ANKRD30B: variants seen among roughly 807,000 people sequenced by gnomAD.
ANKRD30B encodes the protein ankyrin repeat domain 30B.
A neutral mutation model predicts 202.2 loss-of-function variants in ANKRD30B; 144 were observed. That is an observed-to-expected ratio of 0.71 (90% CI 0.62 to 0.82). The LOEUF is 0.82. ANKRD30B is among the 40% of genes least tolerant of loss of function. The pLI, the probability that ANKRD30B is intolerant of heterozygous loss-of-function variation, is 0.00. For synonymous variants in ANKRD30B, 508 were observed against 561.3 expected (o/e 0.91, Z 1.34); for missense variants, 1,487 against 1,669.1 (o/e 0.89, Z 1.90).
intron 32 of ANKRD30B, among the ~76,000 whole-genome samples, chr18:14,824,188 G>A (rs1346265857): frequency 2.4e-5 from 3 of 122,988 alleles, no homozygotes; most frequent in South Asian, 6.1e-4. Flanking sequence ...CATAGTTTGC[G>A]ATTTTAACTC....
chr18:14,914,874 A>G, the ANKRD30B span, among the ~76,000 whole-genome samples: 3 of 152,158 alleles, frequency 2.0e-5, no homozygotes, highest in Admixed American at 2.0e-4. Flanking sequence ...GAAGCTCAGA[A>G]GAGAGGTCTG....
At chr18:14,878,376 C>A in the ANKRD30B span, among the ~76,000 whole-genome samples, 4 of 123,290 alleles carry the variant, frequency 3.2e-5, no homozygotes, top group Non-Finnish European at 7.6e-5. Flanking sequence ...AAAAAAGGCA[C>A]CTACCCCATT....
chr18:14,866,076 C>A, the ANKRD30B span, among the ~76,000 whole-genome samples: 3 of 152,030 alleles, frequency 2.0e-5, no homozygotes, highest in African/African-American at 2.4e-5. Context: ...AAATAAAGTC[C>A]AATCAGAGAA....
chr18:14,761,224 A>G (rs996435808), intron 6 of ANKRD30B, among the ~76,000 whole-genome samples: 39 of 152,194 alleles, frequency 2.6e-4, no homozygotes, highest in African/African-American at 6.8e-4. Context: ...TCCCGGCTGC[A>G]TGACGGATGA....
At chr18:14,868,516 A>T in the ANKRD30B span, among the ~76,000 whole-genome samples, 1 of 149,298 alleles carries the variant, frequency 6.7e-6, no homozygotes, top group African/African-American at 2.5e-5. Context: ...ATGTAAGATA[A>T]AGGGTGCTTT....
Position 14,814,602 on chromosome 18 carries a change from T to C in ANKRD30B, c.2551-19T>C, listed in dbSNP as rs1474242644. The C allele has an allele frequency of 1.6e-6, 2 of 1,228,390 alleles. 1 individual carries two copies. Among genetic ancestry groups the C allele is most frequent in the East Asian group, 5.1e-5 (2 of 38,838 alleles). 76.1% of individuals were successfully genotyped at this position (1,228,390 alleles called of 1,614,324 possible). On this transcript the variant is annotated intron_variant, in intron 29 of 43. Transcript: ENST00000690538. ...GGGATTTCTCCATTGAAATTATTTA[T>C]TGATATTACTTTTAACAGAGTTTCC...
chr18:14,906,776 A>G, the ANKRD30B span, among the ~76,000 whole-genome samples: 1 of 152,098 alleles, frequency 6.6e-6, no homozygotes, highest in African/African-American at 2.4e-5. Context: ...AGCCCTCAGG[A>G]GATCTTGAGA....
chr18:14,792,550 A>C (rs1598626197), intron 16 of ANKRD30B, among the ~76,000 whole-genome samples: 1 of 151,988 alleles, frequency 6.6e-6, no homozygotes, highest in African/African-American at 2.4e-5. Context: ...AGCCAGCTAG[A>C]TTATTTTGGA....
chr18:14,856,171 C>T (rs1272286473), downstream of ANKRD30B, among the ~76,000 whole-genome samples: 16 of 144,328 alleles, frequency 1.1e-4, no homozygotes, highest in Admixed American at 1.4e-4. Flanking sequence ...CAGGCAGAGG[C>T]GCTCCTCACT....
intron 8 of ANKRD30B, among the ~76,000 whole-genome samples, chr18:14,771,426 A>C (rs1420286795): frequency 6.6e-6 from 1 of 152,168 alleles, no homozygotes; most frequent in Non-Finnish European, 1.5e-5. Context: ...AGGCTTTGCT[A>C]GTTTATGTAG....
rs889818049 is a variant in ANKRD30B, at chr18:14,795,387, G to C, written c.1826-834G>C. ...GATTTTTGTATTTTTTGTGGAGACA[G>C]GGTTTCGCTATTTTGGCCAGGCTGC... is the stretch of plus-strand genomic sequence containing the variant. On this transcript the variant is annotated intron_variant, in intron 16 of 43. Transcript: ENST00000690538. 1.8e-4 allele frequency among the ~76,000 whole-genome samples: 28 copies of C among 152,158 alleles called. 1 individual carries two copies. The highest frequency in any genetic ancestry group is 6.0e-4 in the African/African-American group (25 of 41,434).
chr18:14,884,715 G>A, the ANKRD30B span, among the ~76,000 whole-genome samples: 2 of 152,226 alleles, frequency 1.3e-5, no homozygotes, highest in Admixed American at 1.3e-4. Flanking sequence ...CTGGTTCCCT[G>A]AGAAGTGTAG....
intron 7 of ANKRD30B, among the ~76,000 whole-genome samples, chr18:14,765,200 C>A (rs1186080243): frequency 1.3e-5 from 2 of 152,012 alleles, no homozygotes; most frequent in African/African-American, 4.8e-5. Context: ...GTGGCTCACG[C>A]CTATAATCCC....
chr18:14,901,169 T>G, the ANKRD30B span, among the ~76,000 whole-genome samples: 2 of 152,232 alleles, frequency 1.3e-5, no homozygotes, highest in South Asian at 4.1e-4. Context: ...CCTTGTCAAT[T>G]GTGTCTTTAA....
intron 15 of ANKRD30B, among the ~76,000 whole-genome samples, chr18:14,790,634 A>T (rs1283698238): frequency 1.4e-4 from 21 of 152,114 alleles, no homozygotes; most frequent in Non-Finnish European, 2.4e-4. Flanking sequence ...CTTTTCTGCA[A>T]CTATTGAGAT....
At chr18:14,855,213 G>C (rs755330004), downstream of ANKRD30B, among the ~76,000 whole-genome samples, 5 of 152,176 alleles carry the variant, frequency 3.3e-5, no homozygotes, top group Non-Finnish European at 7.3e-5. Context: ...CAGAGAGCAC[G>C]GGGTTGGGGG....
the ANKRD30B span, among the ~76,000 whole-genome samples, chr18:14,899,311 T>G: frequency 2.0e-5 from 3 of 152,114 alleles, no homozygotes; most frequent in African/African-American, 7.2e-5. Flanking sequence ...AAAATAAATT[T>G]TAAAATGACC....
intron 8 of ANKRD30B, among the ~76,000 whole-genome samples, chr18:14,769,693 A>G (rs956096042): frequency 6.6e-6 from 1 of 152,230 alleles, no homozygotes; most frequent in African/African-American, 2.4e-5. Flanking sequence ...AGATTGATGG[A>G]GACCTCTGCA....
the ANKRD30B span, among the ~76,000 whole-genome samples, chr18:14,899,202 A>G: frequency 6.6e-6 from 1 of 152,150 alleles, no homozygotes; most frequent in Non-Finnish European, 1.5e-5. Context: ...TATGTTTTAT[A>G]TATAAAGGCA....
Sources: gnomAD v4.1 joint callset for allele counts (sites outside exome capture counted in the v4.1 genomes callset) on GRCh38, gnomAD v4.1.1 for gene constraint, MANE v1.5 for transcripts, NCBI Gene and HGNC (gene_info 2026-07-23, HGNC 2026-07-21) for gene names.